The following HDLBP variants were observed in gnomAD, a reference collection of about 807,000 sequenced individuals.
The protein encoded by HDLBP is vigilin.
In HDLBP, 30 loss-of-function variants were observed where a neutral mutation model predicts 137.3. The ratio of observed to expected loss-of-function variants is 0.22; its 90% CI spans 0.16 to 0.30. HDLBP has a LOEUF of 0.30. Ranked by LOEUF, HDLBP falls within the 10% of genes least tolerant of loss-of-function variation. The pLI is 1.00. For missense variants in HDLBP, 1,119 were observed against 1,667.3 expected, an observed-to-expected ratio of 0.67 and a Z score of 5.73; for synonymous variants, 606 against 596.0, an observed-to-expected ratio of 1.02 and a Z score of -0.24.
chr2:241,244,332 G>A (rs1314060755), intron 16 of HDLBP, among the ~76,000 whole-genome samples: 3 of 152,122 alleles, frequency 2.0e-5, no homozygotes, highest in African/African-American at 7.2e-5. Context: ...ATGAAATTCT[G>A]AACACATATA....
In HDLBP at chr2:241,310,528, T is replaced by C. The variant is rs2075727603; in HGVS notation, c.-103+5042A>G. Among the ~76,000 whole-genome samples, 7 of 152,180 alleles carry C rather than the reference T, an allele frequency of 4.6e-5. No individual in the cohort carries two copies. In the South Asian group the frequency reaches 1.5e-3, roughly 32 times the overall value. On this transcript the variant is annotated intron_variant, in intron 1 of 27. Coordinates refer to ENST00000310931, the MANE Select transcript of HDLBP (RefSeq NM_005336.6). ...AACATCACTTTGTACCCCCTAAATA[T>C]GTACAAGTATAATTTGTCAATTTAC...
At chr2:241,302,129 G>A (rs2075417771) in intron 1 of HDLBP, among the ~76,000 whole-genome samples, 1 of 151,904 alleles carries the variant, frequency 6.6e-6, no homozygotes, top group Non-Finnish European at 1.5e-5. Flanking sequence ...TACAGTGCCT[G>A]TAGTATGCTT....
chr2:241,242,593 A>C lies in HDLBP; in HGVS notation c.2036T>G (p.Ile679Ser). The change falls in exon 17 of 28, where the codon ATC becomes AGC. Residue 679 changes from isoleucine to serine, a missense_variant. By Grantham distance (142) the Ile-to-Ser change is moderately radical. This residue lies in a region of HDLBP where 618 missense variants were observed against 816.7 expected (regional missense o/e 0.76). Transcript: ENST00000310931. ...GTGGACCCCGCCGCACTCCTCCATG[A>C]TGGAGCGGATCAGACGGCCCTTGGT... ...IGTKGRLIRS[I>S]MEECGGVHIH... 6.2e-7 allele frequency: 1 copy of C among 1,614,202 alleles called. No individual in the cohort carries two copies. Among genetic ancestry groups the C allele is most frequent in the Non-Finnish European group, 8.5e-7 (1 of 1,180,020 alleles).
In HDLBP at chr2:241,272,626, G is replaced by A. The variant is rs923225159; in HGVS notation, c.-102-4085C>T. 3.5e-4 allele frequency: 344 copies of A among 978,658 alleles called. No homozygotes were observed. The highest frequency in any genetic ancestry group is 3.9e-4 in the Non-Finnish European group (324 of 825,252). 60.6% of individuals were successfully genotyped at this position (978,658 alleles called of 1,614,324 possible). A position where few individuals can be genotyped will look rare whatever the true frequency, so the allele number is the denominator to read the frequency against. ...GGGGGCCGCAGCCTGGGGCCCGGGT[G>A]GGGGCCGCGGCACCCGGGCCCCTCC... On this transcript the variant is annotated intron_variant, in intron 1 of 27. Transcript: ENST00000310931. The surrounding 1 kb of genome is among the most constrained non-coding windows in gnomAD (Gnocchi z 5.6).
intron 15 of HDLBP, 22 bp from the exon 16 acceptor site, chr2:241,246,905 T>C: frequency 5.0e-6 from 8 of 1,613,788 alleles, no homozygotes; most frequent in South Asian, 3.3e-5. Flanking sequence ...GAGATCACCA[T>C]GAGAAGCTGA....
At chr2:241,291,287 A>G (rs983471839) in intron 1 of HDLBP, among the ~76,000 whole-genome samples, 1 of 152,114 alleles carries the variant, frequency 6.6e-6, no homozygotes, top group East Asian at 1.9e-4. Flanking sequence ...CCTTAGAAAC[A>G]TGACTGACTC....
intron 23 of HDLBP, among the ~76,000 whole-genome samples, chr2:241,234,901 A>G (rs543426723): frequency 6.6e-6 from 1 of 152,286 alleles, no homozygotes; most frequent in African/African-American, 2.4e-5. Context: ...CGGAAGTCCA[A>G]CTTTGTCACT....
intron 1 of HDLBP, among the ~76,000 whole-genome samples, chr2:241,281,329 G>A (rs554758898): frequency 6.6e-6 from 1 of 151,854 alleles, no homozygotes; most frequent in Non-Finnish European, 1.5e-5. Context: ...ACTCCAGCCT[G>A]TGCAACAGGA....
At chr2:241,266,029 T>C (rs2073646637) in intron 3 of HDLBP, among the ~76,000 whole-genome samples, 1 of 152,248 alleles carries the variant, frequency 6.6e-6, no homozygotes, top group South Asian at 2.1e-4. Flanking sequence ...ATTTAGTTAT[T>C]GGAAAACTTT....
chr2:241,283,528 G>A (rs1426309522), intron 1 of HDLBP, among the ~76,000 whole-genome samples: 1 of 151,090 alleles, frequency 6.6e-6, no homozygotes, highest in African/African-American at 2.4e-5. Context: ...AGGCTGGAGT[G>A]CAGTGGCATG....
intron 1 of HDLBP, among the ~76,000 whole-genome samples, chr2:241,314,307 T>C (rs999489946): frequency 4.6e-5 from 7 of 152,222 alleles, no homozygotes; most frequent in African/African-American, 1.7e-4. Context: ...ATCCCAGATT[T>C]GCTTCCCTAA....
chr2:241,236,431 G>A lies in HDLBP; in HGVS notation c.2904+184C>T, dbSNP rs930369612. On this transcript the variant is annotated intron_variant, in intron 21 of 27. Transcript: ENST00000310931. ...ACCCCGAGCCTTGGTGAAGGGAAGT[G>A]GCCTCCCCAAACTCTGTGTCCAGCC... 4.6e-5 allele frequency: 29 copies of A among 631,150 alleles called. 1 individual carries two copies. The highest frequency in any genetic ancestry group is 2.9e-4 in the African/African-American group (16 of 54,706). The allele number at this position is 631,150 out of a possible 1,614,324, so 39.1% of individuals were successfully genotyped here.
Position 241,255,104 on chromosome 2 carries a change from T to C in HDLBP, c.1135A>G (p.Ile379Val). ...AGGTTCTGCCCTTTCTTGCCAATGA[T>C]GAAACGGTGAAGCCAGGAAGGGGCG... ...VAAPSWLHRF[I>V]IGKKGQNLAK... Residue 379 changes from isoleucine (I) to valine (V), a missense_variant, in exon 9 of 28, where the codon ATC (isoleucine) becomes GTC (valine). Transcript: ENST00000310931. The C allele has an allele frequency of 6.2e-7, 1 of 1,614,138 alleles. No homozygotes were observed. Among genetic ancestry groups the C allele is most frequent in the Non-Finnish European group, 8.5e-7 (1 of 1,180,032 alleles).
intron 3 of HDLBP, chr2:241,266,413 G>A (rs1296898226): frequency 1.3e-5 from 3 of 230,144 alleles, no homozygotes; most frequent in Admixed American, 1.0e-4. Flanking sequence ...CGAGAACTCC[G>A]AAGCCAGGGT....
At chr2:241,279,273 A>C (rs1018847911) in intron 1 of HDLBP, among the ~76,000 whole-genome samples, 2 of 152,196 alleles carry the variant, frequency 1.3e-5, no homozygotes, top group East Asian at 1.9e-4. Flanking sequence ...GATTTTATAC[A>C]ATTTTTATTT....
chr2:241,235,438 G>A (rs2070289224), intron 22 of HDLBP, 52 bp downstream of exon 22: 1 of 1,485,826 alleles, frequency 6.7e-7, no homozygotes, highest in Non-Finnish European at 9.4e-7. Flanking sequence ...GCACTCGGGA[G>A]AGGATGCGAC....
rs573711786 is a variant in HDLBP, at chr2:241,232,130, C to G, written c.3289-1186G>C. On this transcript the variant is annotated intron_variant, in intron 24 of 27. Coordinates refer to ENST00000310931, the MANE Select transcript of HDLBP (RefSeq NM_005336.6). ...CGTGGCCCAGCAGAGCTGACAGCCTCAGGCACCACCCGCGTGCTGCCAGGT... is the reference window on the plus strand; with the variant it reads ...CGTGGCCCAGCAGAGCTGACAGCCTGAGGCACCACCCGCGTGCTGCCAGGT... Among the ~76,000 whole-genome samples the G allele has an allele frequency of 3.9e-5, 6 of 152,342 alleles. No individual in the cohort carries two copies. In the East Asian group the frequency reaches 1.2e-3, roughly 29 times the overall value.
rs1329993379 is a variant in HDLBP, at chr2:241,240,454, C to G, written c.2170-332G>C. On this transcript the variant is annotated intron_variant, in intron 17 of 27. Transcript: ENST00000310931. The surrounding 1 kb of genome is among the most constrained non-coding windows in gnomAD (Gnocchi z 5.5). ...CACAGGGGGAGGTGGGAGCAACGCG[C>G]CGGACGATATGTTGGCGGAGTGCAC... Among the ~76,000 whole-genome samples, 1 of 151,616 alleles carries G rather than the reference C, an allele frequency of 6.6e-6. No homozygotes were observed. Among genetic ancestry groups the G allele is most frequent in the Non-Finnish European group, 1.5e-5 (1 of 67,712 alleles).
At chr2:241,289,764 T>C (rs1044952844) in intron 1 of HDLBP, among the ~76,000 whole-genome samples, 4 of 152,096 alleles carry the variant, frequency 2.6e-5, no homozygotes, top group Non-Finnish European at 4.4e-5. Context: ...AGGATCAGAA[T>C]AGCAGAATGG....
Sources: allele counts gnomAD v4.1 joint callset (sites outside exome capture counted in the v4.1 genomes callset), GRCh38; gene constraint gnomAD v4.1.1; regional missense constraint gnomAD v4.1.1; non-coding constraint Gnocchi (gnomAD v3.1); transcripts MANE v1.5; gene names NCBI Gene and HGNC (gene_info 2026-07-23, HGNC 2026-07-21).